The following SEPTIN10 variants were observed in gnomAD, a reference collection of about 807,000 sequenced individuals.
The protein encoded by SEPTIN10 is septin-10.
In SEPTIN10, 66 loss-of-function variants were observed where a neutral mutation model predicts 54.8. The observed-to-expected ratio is 1.21, with a 90% CI of 0.99 to 1.48. The LOEUF is 1.48. Among genes scored for constraint, SEPTIN10 ranks in the 40% most tolerant of loss-of-function variants. SEPTIN10 has a pLI of 0.00. For synonymous variants in SEPTIN10, 161 were observed against 181.0 expected (o/e 0.89, Z 0.89); for missense variants, 620 against 545.6 (o/e 1.14, Z -1.36).
intron 5 of SEPTIN10, among the ~76,000 whole-genome samples, chr2:109,573,626 G>C (rs1002381960): frequency 5.3e-5 from 8 of 152,166 alleles, no homozygotes; most frequent in Non-Finnish European, 2.9e-5. Flanking sequence ...GCAGCATCCA[G>C]AACAACCTTG....
intron 5 of SEPTIN10, among the ~76,000 whole-genome samples, chr2:109,568,204 A>G (rs1400394108): frequency 6.6e-6 from 1 of 152,008 alleles, no homozygotes; most frequent in Non-Finnish European, 1.5e-5. Context: ...TTCACACTAC[A>G]ACAGCAGAGA....
intron 9 of SEPTIN10, among the ~76,000 whole-genome samples, chr2:109,550,181 T>C (rs1449964807): frequency 6.6e-6 from 1 of 151,626 alleles, no homozygotes; most frequent in Non-Finnish European, 1.5e-5. Flanking sequence ...TCCCAGCTAC[T>C]CGGGAGGCTG....
intron 4 of SEPTIN10, 149 bp downstream of exon 4, chr2:109,584,977 T>A (rs913161136): frequency 2.4e-5 from 10 of 422,202 alleles, no homozygotes; most frequent in African/African-American, 2.0e-4. Context: ...AAGAACAAAA[T>A]ATTGTTTAAT....
intron 2 of SEPTIN10, among the ~76,000 whole-genome samples, chr2:109,591,143 TA>T (rs1164574874): frequency 6.6e-6 from 1 of 152,250 alleles, no homozygotes; most frequent in African/African-American, 2.4e-5. Flanking sequence ...GTTATCTTCA[TA>T]TTTTTTTAAA....
At chr2:109,595,152 G>A (rs1695036819) in intron 1 of SEPTIN10, among the ~76,000 whole-genome samples, 1 of 152,156 alleles carries the variant, frequency 6.6e-6, no homozygotes, top group Non-Finnish European at 1.5e-5. Flanking sequence ...CTCCCAAAGT[G>A]CTGGGATTAC....
At chr2:109,546,015 G>A (rs753856114) in intron 10 of SEPTIN10, 35 bp downstream of exon 10, 19 of 1,535,844 alleles carry the variant, frequency 1.2e-5, no homozygotes, top group Non-Finnish European at 1.7e-6. Flanking sequence ...ACAAGTGTGG[G>A]CAGGGCTGCC....
chr2:109,590,226 T>C (rs1259751025), intron 2 of SEPTIN10, among the ~76,000 whole-genome samples: 1 of 151,842 alleles, frequency 6.6e-6, no homozygotes, highest in Non-Finnish European at 1.5e-5. Context: ...TCGCTTTTTA[T>C]TGTATATGGT....
intron 1 of SEPTIN10, among the ~76,000 whole-genome samples, chr2:109,593,409 C>CTTTTT (rs766138431): frequency 1.8e-4 from 24 of 133,780 alleles, no homozygotes; most frequent in Admixed American, 4.8e-4. Context: ...AGAGAAAGAA[C>CTTTTT]TTTTTTTTTT....
intron 4 of SEPTIN10, 22 bp from the exon 5 acceptor site, chr2:109,574,789 T>G (rs1320262416): frequency 6.6e-7 from 1 of 1,517,728 alleles, no homozygotes; most frequent in Non-Finnish European, 8.9e-7. Flanking sequence ...TTTAAATGTT[T>G]AATACAACAT....
At chr2:109,544,409 G>A in intron 10 of SEPTIN10, 85 bp from the exon 11 acceptor site, 5 of 1,490,292 alleles carry the variant, frequency 3.4e-6, no homozygotes, top group South Asian at 1.4e-5. Context: ...GTATATTATA[G>A]GATATCTGGC....
intron 9 of SEPTIN10, among the ~76,000 whole-genome samples, chr2:109,549,154 CACAA>C (rs546804292): frequency 1.4e-3 from 219 of 152,300 alleles, no homozygotes; most frequent in African/African-American, 4.3e-3. Context: ...AAATCGGTGG[CACAA>C]ACAAAGAGTG....
At chr2:109,593,001 A>G in intron 2 of SEPTIN10, 50 bp downstream of exon 2, 1 of 1,281,428 alleles carries the variant, frequency 7.8e-7, no homozygotes, top group Non-Finnish European at 1.1e-6. Flanking sequence ...TTTTAAAATC[A>G]TAGAAGCATT....
At chr2:109,599,250 G>C (rs1010824655) in intron 1 of SEPTIN10, among the ~76,000 whole-genome samples, 5 of 152,054 alleles carry the variant, frequency 3.3e-5, no homozygotes, top group Non-Finnish European at 7.4e-5. Flanking sequence ...TTGAGGTCAG[G>C]AGTTTGAGAC....
chr2:109,561,275 C>T (rs1453919288), intron 8 of SEPTIN10, among the ~76,000 whole-genome samples: 1 of 152,142 alleles, frequency 6.6e-6, no homozygotes, highest in Non-Finnish European at 1.5e-5. Context: ...CCCCAAGTTA[C>T]TACAGCTCAA....
intron 5 of SEPTIN10, among the ~76,000 whole-genome samples, chr2:109,570,527 G>GTT (rs34393876): frequency 8.5e-4 from 125 of 147,206 alleles, no homozygotes; most frequent in East Asian, 1.2e-3. Flanking sequence ...ATTGTATCAG[G>GTT]TTTTTTTTTT....
At chr2:109,590,392 T>C (rs183288330) in intron 2 of SEPTIN10, among the ~76,000 whole-genome samples, 110 of 152,028 alleles carry the variant, frequency 7.2e-4, no homozygotes, top group African/African-American at 2.3e-3. Context: ...AGGGAGACTA[T>C]CCTGGTTGGG....
At chr2:109,571,865 G>GACTA (rs1438498635) in intron 5 of SEPTIN10, among the ~76,000 whole-genome samples, 1 of 152,134 alleles carries the variant, frequency 6.6e-6, no homozygotes. Flanking sequence ...TCCACTAAGG[G>GACTA]ACTACATCAA....
intron 6 of SEPTIN10, 26 bp downstream of exon 6, chr2:109,567,789 G>A (rs1209332144): frequency 6.5e-7 from 1 of 1,540,844 alleles, no homozygotes; most frequent in African/African-American, 1.4e-5. Context: ...ATGGAAAACA[G>A]AATTAACATT....
chr2:109,576,546 T>C (rs958837242), intron 4 of SEPTIN10, among the ~76,000 whole-genome samples: 2 of 152,182 alleles, frequency 1.3e-5, no homozygotes, highest in African/African-American at 2.4e-5. Flanking sequence ...TGTGACCCAA[T>C]AGGATTTACT....
Sources: gnomAD v4.1 joint callset for allele counts (sites outside exome capture counted in the v4.1 genomes callset) on GRCh38, gnomAD v4.1.1 for gene constraint, MANE v1.5 for transcripts, NCBI Gene and HGNC (gene_info 2026-07-23, HGNC 2026-07-21) for gene names.